ABCA1: variants seen among roughly 807,000 people sequenced by gnomAD.
ABCA1 encodes ATP binding cassette subfamily A member 1.
In ABCA1, 133 loss-of-function variants were observed where a neutral mutation model predicts 262.5. The ratio of observed to expected loss-of-function variants is 0.51; its 90% confidence interval spans 0.44 to 0.59. The LOEUF is 0.59. Among genes scored for constraint, ABCA1 ranks in the 20% least tolerant of loss-of-function variants. ABCA1 has a pLI of 0.00. For missense variants in ABCA1, 2,452 were observed against 2,777.5 expected (o/e 0.88, Z 2.63); for synonymous variants, 1,022 against 1,043.5 (o/e 0.98, Z 0.40).
At chr9:104,840,133 C>T in intron 9 of ABCA1, 146 bp downstream of exon 9, 1 of 1,390,632 alleles carries the variant, frequency 7.2e-7, no homozygotes, top group East Asian at 2.3e-5. Context: ...AGAAGCCTCT[C>T]TCCTCTAGGA....
In ABCA1 at chr9:104,826,968, A is replaced by G; in HGVS notation, c.2317T>C (p.Phe773Leu). The change falls in exon 16 of 50, where the codon TTC (phenylalanine) becomes CTC (leucine). Residue 773 changes from phenylalanine (F) to leucine (L), a missense_variant. By Grantham distance (22) the Phe-to-Leu change is conservative. Transcript: ENST00000374736. ...LCVAWQDYVG[F>L]TLKIFASLLS... ...CTCACAGCGAAGATCTTGAGTGTGA[A>G]GCCCACGTAGTCCTGCCATGCCACA... 2 of 1,614,046 alleles carry G rather than the reference A, an allele frequency of 1.2e-6. No individual in the cohort carries two copies. Among genetic ancestry groups the G allele is most frequent in the Non-Finnish European group, 1.7e-6 (2 of 1,180,042 alleles).
rs1351858555 is a variant in ABCA1 at position 104,908,451 on chromosome 9, G to C, written c.-92-4680C>G. On this transcript the variant is annotated intron_variant, in intron 1 of 49. Coordinates refer to ENST00000374736, the MANE Select transcript of ABCA1 (RefSeq NM_005502.4). ...GGAGCCAGAGGTGGGCGGATCACCT[G>C]AGGTCAAGAGTTTGAGATCAGCCTG... 2.6e-5 allele frequency among the ~76,000 whole-genome samples: 4 copies of C among 152,186 alleles called. No homozygotes were observed. In the South Asian group the frequency reaches 8.3e-4, roughly 32 times the overall value.
chr9:104,871,621 A>G (rs577518272), intron 5 of ABCA1, among the ~76,000 whole-genome samples: 2 of 152,324 alleles, frequency 1.3e-5, no homozygotes, highest in Admixed American at 6.5e-5. Context: ...AAGAAGAAAC[A>G]AAGAACCAAC....
intron 5 of ABCA1, 95 bp downstream of exon 5, chr9:104,882,944 T>C (rs1009447666): frequency 1.6e-6 from 2 of 1,224,530 alleles, no homozygotes; most frequent in Admixed American, 1.7e-5. Context: ...GGGGAAGATC[T>C]AATGGGAACA....
intron 2 of ABCA1, among the ~76,000 whole-genome samples, chr9:104,897,157 A>G (rs1198311144): frequency 6.6e-6 from 1 of 152,214 alleles, no homozygotes; most frequent in Non-Finnish European, 1.5e-5. Flanking sequence ...CATCCCTAAC[A>G]GCATACATGC....
At position 104,786,388 on chromosome 9, in the gene ABCA1, A is replaced by T; in HGVS notation, c.6311T>A (p.Met2104Lys). Reference protein sequence around the residue: ...GRSVVLTSHSMEECEALCTRM... With the variant: ...GRSVVLTSHSKEECEALCTRM... ...AGTGCAAAGAGCTTCACATTCTTCCATACTGCGGTAAAACAGAAAGAGGTT... is the reference window on the plus strand; with the variant it reads ...AGTGCAAAGAGCTTCACATTCTTCCTTACTGCGGTAAAACAGAAAGAGGTT... Residue 2104 changes from methionine (M) to lysine (K), a missense_variant and splice_region_variant, in exon 48 of 50, where the codon ATG (methionine) becomes AAG (lysine). Coordinates refer to ENST00000374736, the MANE Select transcript of ABCA1 (RefSeq NM_005502.4). The T allele has an allele frequency of 6.2e-7, 1 of 1,613,948 alleles. No homozygotes were observed. The highest frequency in any genetic ancestry group is 8.5e-7 in the Non-Finnish European group (1 of 1,179,846).
chr9:104,828,831 A>AT (rs559207960), intron 15 of ABCA1, 85 bp downstream of exon 15: 62 of 1,385,090 alleles, frequency 4.5e-5, no homozygotes, highest in Non-Finnish European at 5.3e-5. Context: ...AGAGGCTTGG[A>AT]TTTTTTTTCT....
chr9:104,842,922 C>A (rs564876377), intron 8 of ABCA1, among the ~76,000 whole-genome samples: 13 of 152,172 alleles, frequency 8.5e-5, no homozygotes, highest in Non-Finnish European at 1.9e-4. Flanking sequence ...CTCTCCTCCC[C>A]CCACCACTTG....
In ABCA1 at chr9:104,812,739, C is replaced by T. The variant is rs773986970; in HGVS notation, c.3902-17G>A. 1.9e-6 allele frequency: 3 copies of T among 1,614,252 alleles called. No homozygotes were observed. The highest frequency in any genetic ancestry group is 2.2e-5 in the East Asian group (1 of 44,892). ...CTCTGGATTCTGCAAGAAGCCAACA[C>T]TGAAGGTCACCTATTATCTTAGGTG... On this transcript the variant is annotated splice_polypyrimidine_tract_variant and intron_variant, in intron 27 of 49. Transcript: ENST00000374736.
rs1296086120 is a variant in ABCA1 at position 104,862,699 on chromosome 9, CGG to C, written c.422-901_422-900del. Reference sequence around the variant, plus strand: ...CGGGCCGGGCCGGGCCGGGCCGGGCCGGCCCCCACCCCCACCCCCACCCCCAC... The same window carrying C: ...CGGGCCGGGCCGGGCCGGGCCGGGCCCCCCCACCCCCACCCCCACCCCCAC... On this transcript the variant is annotated intron_variant, in intron 5 of 49. Coordinates refer to ENST00000374736, the MANE Select transcript of ABCA1 (RefSeq NM_005502.4). Among the ~76,000 whole-genome samples the C allele has an allele frequency of 2.3e-3, 19 of 8,444 alleles. 1 individual carries two copies. Among genetic ancestry groups the C allele is most frequent in the East Asian group, 8.8e-3 (1 of 114 alleles). The allele number at this position is 8,444 out of a possible 152,430, so 5.5% of individuals were successfully genotyped here. A position where few individuals can be genotyped will look rare whatever the true frequency, so the allele number is the denominator to read the frequency against.
chr9:104,812,418 T>C (rs1015265455), intron 28 of ABCA1, among the ~76,000 whole-genome samples, 156 bp downstream of exon 28: 4 of 152,176 alleles, frequency 2.6e-5, no homozygotes, highest in African/African-American at 9.7e-5. Context: ...TGCCAGCGGA[T>C]ACACAACTGG....
At chr9:104,784,704 C>T (rs1287178381) in intron 49 of ABCA1, among the ~76,000 whole-genome samples, 3 of 152,142 alleles carry the variant, frequency 2.0e-5, no homozygotes, top group African/African-American at 7.2e-5. Context: ...AGTGCAGTGG[C>T]GAGACCTTGG....
chr9:104,855,692 CTG>C, intron 7 of ABCA1: 1 of 1,508,018 alleles, frequency 6.6e-7, no homozygotes, highest in Non-Finnish European at 8.9e-7. Flanking sequence ...GAAGAGAAAA[CTG>C]AGGCTTACAG....
In ABCA1 at chr9:104,818,141, T is replaced by C. The variant is rs182445645; in HGVS notation, c.3462+522A>G. ...ATAGTTACCTTCTTCCCAGGGTCTCTCTGCACTTTAATTGAGATGATAGAG... is the reference window on the plus strand; with the variant it reads ...ATAGTTACCTTCTTCCCAGGGTCTCCCTGCACTTTAATTGAGATGATAGAG... On this transcript the variant is annotated intron_variant, in intron 23 of 49. Coordinates refer to ENST00000374736, the MANE Select transcript of ABCA1 (RefSeq NM_005502.4). Among the ~76,000 whole-genome samples, 5 of 150,952 alleles carry C rather than the reference T, an allele frequency of 3.3e-5. No individual in the cohort carries two copies. The East Asian group carries it at 9.7e-4, about 29-fold the overall frequency.
chr9:104,859,926 A>T (rs987029207), intron 6 of ABCA1, among the ~76,000 whole-genome samples: 1 of 151,936 alleles, frequency 6.6e-6, no homozygotes, highest in African/African-American at 2.4e-5. Flanking sequence ...GTGGTGGTGC[A>T]TGCCTGTAAT....
At chr9:104,901,202 A>T (rs1245948167) in intron 2 of ABCA1, among the ~76,000 whole-genome samples, 1 of 152,172 alleles carries the variant, frequency 6.6e-6, no homozygotes, top group Non-Finnish European at 1.5e-5. Flanking sequence ...CAAAAAAATA[A>T]AAAATAAAAA....
rs146546125 is a variant in ABCA1, at chr9:104,866,225, G to A, written c.422-4425C>T. Among the ~76,000 whole-genome samples, 16 of 152,260 alleles carry A rather than the reference G, an allele frequency of 1.1e-4. No individual in the cohort carries two copies. The East Asian group carries it at 2.9e-3, about 28-fold the overall frequency. On this transcript the variant is annotated intron_variant, in intron 5 of 49. Transcript: ENST00000374736. ...GAGATTTCTCAAAACCTCAGATCTGGGTAGTAGGAAGGGGAGAAAAAAGGA... is the reference window on the plus strand; with the variant it reads ...GAGATTTCTCAAAACCTCAGATCTGAGTAGTAGGAAGGGGAGAAAAAAGGA...
At chr9:104,788,306 T>C (rs1829105655) in intron 45 of ABCA1, 120 bp downstream of exon 45, 4 of 1,227,840 alleles carry the variant, frequency 3.3e-6, no homozygotes, top group African/African-American at 1.5e-5. Context: ...AGAACCAGCA[T>C]TTTGTGCTGC....
chr9:104,908,441 C>T (rs1246177137), intron 1 of ABCA1, among the ~76,000 whole-genome samples: 2 of 152,084 alleles, frequency 1.3e-5, no homozygotes, highest in African/African-American at 4.8e-5. Flanking sequence ...CAGAGGTGGG[C>T]GGATCACCTG....
Sources: allele counts gnomAD v4.1 joint callset (sites outside exome capture counted in the v4.1 genomes callset), GRCh38; gene constraint gnomAD v4.1.1; transcripts MANE v1.5; gene names NCBI Gene and HGNC (gene_info 2026-07-23, HGNC 2026-07-21).